Variants in GTF2IRD1 observed in about 807,000 individuals in gnomAD.
GTF2IRD1 encodes the protein GTF2I repeat domain containing 1, also known as general transcription factor II-I repeat domain-containing protein 1.
Under a neutral mutation model 113.2 loss-of-function variants are expected in GTF2IRD1, and 26 were observed. The observed-to-expected ratio is 0.23, with a 90% CI of 0.17 to 0.32. The LOEUF is 0.32. GTF2IRD1 is among the 10% of genes least tolerant of loss of function. The pLI, the probability that GTF2IRD1 is intolerant of heterozygous loss-of-function variation, is 1.00. For missense variants in GTF2IRD1, 864 were observed against 1,280.8 expected, an observed-to-expected ratio of 0.67 and a Z score of 4.97; for synonymous variants, 484 against 529.1, an observed-to-expected ratio of 0.91 and a Z score of 1.17.
Position 74,517,005 on chromosome 7 carries a change from TTGTTG to T in GTF2IRD1, c.422-1132_422-1128del, listed in dbSNP as rs1459453563. Among the ~76,000 whole-genome samples, 1,139 of 140,370 alleles carry T rather than the reference TTGTTG, an allele frequency of 8.1e-3. 75 individuals carry two copies. In the East Asian group the frequency reaches 0.18, roughly 22 times the overall value. 92.1% of individuals were successfully genotyped at this position (140,370 alleles called of 152,430 possible). ...CTCTTTCTCCTCTCTCCTGTCTTTG[TTGTTG>T]TTGTTGTTGTTGTTGTTGTTGTTGT... On this transcript the variant is annotated intron_variant, in intron 4 of 26. Transcript: ENST00000424337.
chr7:74,591,934 T>G (rs1802087913), intron 24 of GTF2IRD1, among the ~76,000 whole-genome samples: 1 of 148,666 alleles, frequency 6.7e-6, no homozygotes, highest in South Asian at 2.1e-4. Context: ...GTGGCCCAGT[T>G]TTTTTTTTTT....
At position 74,494,721 on chromosome 7, in the gene GTF2IRD1, C is replaced by T. The variant is rs191916505; in HGVS notation, c.-6-13354C>T. Among the ~76,000 whole-genome samples, 324 of 151,330 alleles carry T rather than the reference C, an allele frequency of 2.1e-3. 1 individual carries two copies. Among genetic ancestry groups the T allele is most frequent in the African/African-American group, 7.4e-3 (308 of 41,428 alleles). Reference sequence around the variant, plus strand: ...GGGCAATATAGGGAAACTCCCATTTCTATTTAAAAAAAACAAAAAACCAAA... The same window carrying T: ...GGGCAATATAGGGAAACTCCCATTTTTATTTAAAAAAAACAAAAAACCAAA... On this transcript the variant is annotated intron_variant, in intron 1 of 26. Transcript: ENST00000424337.
chr7:74,508,347 C>G (rs10269478), intron 2 of GTF2IRD1, 144 bp downstream of exon 2: 102,778 of 813,098 alleles, frequency 0.13, 10,761 homozygotes, highest in East Asian at 0.48. Flanking sequence ...GCCACGATGC[C>G]TGCATCAAGG....
At chr7:74,469,386 A>G (rs1793951256) in intron 1 of GTF2IRD1, among the ~76,000 whole-genome samples, 1 of 151,856 alleles carries the variant, frequency 6.6e-6, no homozygotes, top group African/African-American at 2.4e-5. Context: ...ATTTCAGAGC[A>G]TTTTTATCAT....
chr7:74,485,703 C>G (rs540623228), intron 1 of GTF2IRD1, among the ~76,000 whole-genome samples: 1 of 152,178 alleles, frequency 6.6e-6, no homozygotes, highest in Non-Finnish European at 1.5e-5. Flanking sequence ...AGGTGGATCA[C>G]TTGAGGGCAG....
intron 1 of GTF2IRD1, among the ~76,000 whole-genome samples, chr7:74,499,630 A>G (rs1269201838): frequency 2.0e-5 from 3 of 152,062 alleles, no homozygotes; most frequent in African/African-American, 7.2e-5. Flanking sequence ...ACACAAAGGA[A>G]TGCATGCACA....
chr7:74,501,559 T>TA (rs1554339500), intron 1 of GTF2IRD1, among the ~76,000 whole-genome samples: 2 of 152,236 alleles, frequency 1.3e-5, no homozygotes, highest in East Asian at 3.9e-4. Context: ...CCTTGGCACT[T>TA]ACTTTTTTGG....
chr7:74,500,464 G>A (rs1795972995), intron 1 of GTF2IRD1, among the ~76,000 whole-genome samples: 2 of 151,846 alleles, frequency 1.3e-5, no homozygotes, highest in Non-Finnish European at 2.9e-5. Context: ...GGGGTGATGG[G>A]TGTGCCAGTT....
chr7:74,567,035 A>G (rs997676489), intron 22 of GTF2IRD1, among the ~76,000 whole-genome samples: 2 of 152,158 alleles, frequency 1.3e-5, no homozygotes, highest in East Asian at 3.9e-4. Context: ...TTGTACAACA[A>G]AAATGTATGG....
chr7:74,503,166 C>CAAAAA lies in GTF2IRD1; in HGVS notation c.-6-4900_-6-4896dup, dbSNP rs10626336. 0.023 allele frequency among the ~76,000 whole-genome samples: 3,175 copies of CAAAAA among 140,812 alleles called. 304 individuals are homozygous for CAAAAA. In the East Asian group the frequency reaches 0.32, roughly 14 times the overall value. The allele number at this position is 140,812 out of a possible 152,430, so 92.4% of individuals were successfully genotyped here. A position where few individuals can be genotyped will look rare whatever the true frequency, so the allele number is the denominator to read the frequency against. On this transcript the variant is annotated intron_variant, in intron 1 of 26. Coordinates refer to ENST00000424337, the MANE Select transcript of GTF2IRD1 (RefSeq NM_005685.4). ...TGGGCAATAGAGTGAGACTCCATCT[C>CAAAAA]AAAAAAAAAAAAATACAGTGTCCAG...
intron 10 of GTF2IRD1, 147 bp from the exon 11 acceptor site, chr7:74,536,020 G>T: frequency 1.7e-6 from 1 of 586,538 alleles, no homozygotes; most frequent in Non-Finnish European, 3.1e-6. Flanking sequence ...CTGGCTGTTG[G>T]CTGGACGTGG....
intron 8 of GTF2IRD1, among the ~76,000 whole-genome samples, chr7:74,527,714 C>T (rs1216290137): frequency 6.6e-6 from 1 of 151,912 alleles, no homozygotes; most frequent in African/African-American, 2.4e-5. Flanking sequence ...TGGTGGCACA[C>T]GCCTGTAATC....
At chr7:74,495,240 C>A (rs1338834977) in intron 1 of GTF2IRD1, among the ~76,000 whole-genome samples, 3 of 152,162 alleles carry the variant, frequency 2.0e-5, no homozygotes, top group Non-Finnish European at 4.4e-5. Context: ...CGGGACAGGG[C>A]CCTCCAGAGC....
rs1802818522 is a variant in GTF2IRD1 at position 74,602,570 on chromosome 7, C to T, written c.*137C>T. 14 of 488,942 alleles carry T rather than the reference C, an allele frequency of 2.9e-5. No homozygotes were observed. The highest frequency in any genetic ancestry group is 1.5e-4 in the South Asian group (3 of 20,534). 30.3% of individuals were successfully genotyped at this position (488,942 alleles called of 1,614,324 possible). A position where few individuals can be genotyped will look rare whatever the true frequency, so the allele number is the denominator to read the frequency against. On this transcript the variant is annotated 3_prime_UTR_variant, in exon 27 of 27. Transcript: ENST00000424337. ...TACACTATATTCCTGCCACCAAGGC[C>T]TTTTTAAATAAGTAAAAAAAGAAAA...
chr7:74,455,059 G>A (rs1792874624), intron 1 of GTF2IRD1, among the ~76,000 whole-genome samples: 1 of 152,140 alleles, frequency 6.6e-6, no homozygotes, highest in Non-Finnish European at 1.5e-5. Context: ...CCACCCTCCT[G>A]GCAGTGCTGG....
intron 22 of GTF2IRD1, among the ~76,000 whole-genome samples, chr7:74,579,693 C>T (rs782318921): frequency 3.3e-5 from 5 of 151,950 alleles, no homozygotes; most frequent in Non-Finnish European, 5.9e-5. Context: ...GCTGTCATTC[C>T]GGCTAGAGTC....
At chr7:74,539,675 C>T (rs1258249428) in intron 13 of GTF2IRD1, among the ~76,000 whole-genome samples, 3 of 151,296 alleles carry the variant, frequency 2.0e-5, no homozygotes, top group South Asian at 2.1e-4. Context: ...ACCCGGGAGG[C>T]GGAGGTTACA....
At chr7:74,482,330 T>C (rs782201171) in intron 1 of GTF2IRD1, among the ~76,000 whole-genome samples, 10 of 149,642 alleles carry the variant, frequency 6.7e-5, no homozygotes, top group South Asian at 2.1e-4. Context: ...TGGGATCAAG[T>C]GATCCTCCTG....
At chr7:74,585,835 T>A (rs1354976719) in intron 22 of GTF2IRD1, among the ~76,000 whole-genome samples, 2 of 150,730 alleles carry the variant, frequency 1.3e-5, no homozygotes, top group Non-Finnish European at 3.0e-5. Context: ...TGAGCCAAGA[T>A]CGCACCACTG....
Sources: allele counts gnomAD v4.1 joint callset (sites outside exome capture counted in the v4.1 genomes callset), GRCh38; gene constraint gnomAD v4.1.1; transcripts MANE v1.5; gene names NCBI Gene and HGNC (gene_info 2026-07-23, HGNC 2026-07-21).